The following UST variants were observed in gnomAD, a reference collection of about 807,000 sequenced individuals.
UST encodes the protein chondroitin sulfate 2-O-sulfotransferase.
A neutral mutation model predicts 45.6 loss-of-function variants in UST; 21 were observed. That is an observed-to-expected ratio of 0.46 (90% CI 0.33 to 0.66). UST has a LOEUF of 0.66. Among genes scored for constraint, UST ranks in the 30% least tolerant of loss-of-function variants. The pLI, the probability that UST is intolerant of heterozygous loss-of-function variation, is 0.02. For synonymous variants in UST, 215 were observed against 200.6 expected, an observed-to-expected ratio of 1.07 and a Z score of -0.61; for missense variants, 463 against 512.4, an observed-to-expected ratio of 0.90 and a Z score of 0.93.
At chr6:148,943,076 A>G (rs1780161064) in intron 3 of UST, among the ~76,000 whole-genome samples, 1 of 152,208 alleles carries the variant, frequency 6.6e-6, no homozygotes. Flanking sequence ...AGCTAATGTG[A>G]TTAGGCTGGT....
chr6:148,809,305 A>G (rs1777208517), intron 1 of UST, among the ~76,000 whole-genome samples: 1 of 150,800 alleles, frequency 6.6e-6, no homozygotes, highest in Admixed American at 6.6e-5. Context: ...GGAATTTCTT[A>G]AAACCTTAGT....
At chr6:149,071,568 AT>A (rs948119681) in intron 7 of UST, among the ~76,000 whole-genome samples, 1 of 152,018 alleles carries the variant, frequency 6.6e-6, no homozygotes, top group Non-Finnish European at 1.5e-5. Context: ...GGATTTGGCA[AT>A]TTTTTTTAAT....
At chr6:148,966,829 G>A (rs1288944158) in intron 5 of UST, among the ~76,000 whole-genome samples, 3 of 152,122 alleles carry the variant, frequency 2.0e-5, no homozygotes, top group Admixed American at 6.6e-5. Context: ...CTCCACCTCC[G>A]GGGTTCAAGC....
intron 1 of UST, among the ~76,000 whole-genome samples, chr6:148,871,145 TCC>T (rs1491452999): frequency 1.0e-4 from 14 of 135,198 alleles, no homozygotes; most frequent in African/African-American, 3.9e-4. Flanking sequence ...TCTCTCTCTC[TCC>T]CTCTCTCCCT....
At chr6:148,878,149 G>T (rs1317301200) in intron 1 of UST, among the ~76,000 whole-genome samples, 4 of 107,350 alleles carry the variant, frequency 3.7e-5, no homozygotes, top group Non-Finnish European at 7.5e-5. Flanking sequence ...GAGTGCGGGG[G>T]TCGTGTGTGA....
chr6:148,858,536 T>C (rs1445158610), intron 1 of UST, among the ~76,000 whole-genome samples: 2 of 151,772 alleles, frequency 1.3e-5, no homozygotes, highest in Admixed American at 6.6e-5. Context: ...CTAGGGTACA[T>C]GTGCACAATG....
chr6:148,792,288 T>G (rs1724141808), intron 1 of UST, among the ~76,000 whole-genome samples: 1 of 152,196 alleles, frequency 6.6e-6, no homozygotes, highest in African/African-American at 2.4e-5. Context: ...TCAAGTTATG[T>G]GAGTTTCATA....
At chr6:148,862,594 G>A (rs372312413) in intron 1 of UST, among the ~76,000 whole-genome samples, 28 of 152,276 alleles carry the variant, frequency 1.8e-4, no homozygotes, top group East Asian at 1.3e-3. Flanking sequence ...TTCTAGCATC[G>A]ATGGTCTTTA....
At chr6:149,055,850 G>T (rs1222002276) in intron 7 of UST, among the ~76,000 whole-genome samples, 1 of 152,156 alleles carries the variant, frequency 6.6e-6, no homozygotes, top group Non-Finnish European at 1.5e-5. Flanking sequence ...GACATCAGAA[G>T]CTTCTGCAGT....
intron 1 of UST, among the ~76,000 whole-genome samples, chr6:148,886,149 G>A (rs1778909007): frequency 6.6e-6 from 1 of 152,142 alleles, no homozygotes; most frequent in Non-Finnish European, 1.5e-5. Context: ...TTTTCAGATG[G>A]GTAGATGCCT....
At chr6:148,808,052 G>T (rs985592585) in intron 1 of UST, among the ~76,000 whole-genome samples, 3 of 152,088 alleles carry the variant, frequency 2.0e-5, no homozygotes, top group Non-Finnish European at 4.4e-5. Context: ...GCTGGGGCTG[G>T]TTGGGGTTAC....
chr6:148,748,133 C>T lies in UST; in HGVS notation c.247+456C>T, dbSNP rs185986604. Reference sequence around the variant, plus strand: ...CCCCGGGGAGTGTGGGTGGGTTTAGCCCTTTGCCACCGTCCGCTCTGAGAA... The same window carrying T: ...CCCCGGGGAGTGTGGGTGGGTTTAGTCCTTTGCCACCGTCCGCTCTGAGAA... On this transcript the variant is annotated intron_variant, in intron 1 of 7. Coordinates refer to ENST00000367463, the MANE Select transcript of UST (RefSeq NM_005715.3). This position sits in a 1 kb window ranked among gnomAD's most constrained non-coding sequence, Gnocchi z 5.3. Among the ~76,000 whole-genome samples, 216 of 152,276 alleles carry T rather than the reference C, an allele frequency of 1.4e-3. 1 individual carries two copies. Among genetic ancestry groups the T allele is most frequent in the African/African-American group, 5.0e-3 (207 of 41,552 alleles).
chr6:148,959,231 C>G (rs7741642), intron 4 of UST, among the ~76,000 whole-genome samples: 2,587 of 152,308 alleles, frequency 0.017, 81 homozygotes, highest in African/African-American at 0.06. Context: ...CATTATTTAA[C>G]AAAACAAATC....
chr6:148,984,506 G>T (rs1781201785), intron 5 of UST, among the ~76,000 whole-genome samples: 2 of 152,228 alleles, frequency 1.3e-5, no homozygotes. Context: ...ATCATGACAT[G>T]ATAGGATTTG....
intron 7 of UST, among the ~76,000 whole-genome samples, chr6:149,060,334 C>T (rs1382977694): frequency 6.6e-6 from 1 of 152,178 alleles, no homozygotes; most frequent in East Asian, 1.9e-4. Context: ...GCCATACCAC[C>T]AGGAAGGTGG....
chr6:149,026,120 C>T (rs895713385), intron 7 of UST, among the ~76,000 whole-genome samples: 14 of 150,854 alleles, frequency 9.3e-5, no homozygotes, highest in African/African-American at 3.4e-4. Context: ...TGCACTCCAG[C>T]CTAGGTGACA....
At chr6:148,858,492 C>G (rs1041968447) in intron 1 of UST, among the ~76,000 whole-genome samples, 1 of 114,266 alleles carries the variant, frequency 8.8e-6, no homozygotes, top group Non-Finnish European at 1.8e-5. Context: ...ACATTTGCAT[C>G]TTTCTTTTTT....
At chr6:148,769,750 TTG>T (rs57316536) in intron 1 of UST, among the ~76,000 whole-genome samples, 8,330 of 147,808 alleles carry the variant, frequency 0.056, 565 homozygotes, top group African/African-American at 0.16. Context: ...GAGCCTGTGT[TTG>T]TGTGTGTGTG....
At chr6:149,025,552 A>G (rs929719599) in intron 7 of UST, among the ~76,000 whole-genome samples, 1 of 152,194 alleles carries the variant, frequency 6.6e-6, no homozygotes, top group Non-Finnish European at 1.5e-5. Flanking sequence ...CATGAGTTTG[A>G]ATTAGGGAGC....
Sources: gnomAD v4.1 joint callset for allele counts (sites outside exome capture counted in the v4.1 genomes callset) on GRCh38, gnomAD v4.1.1 for gene constraint, Gnocchi (gnomAD v3.1) non-coding constraint, MANE v1.5 for transcripts, NCBI Gene and HGNC (gene_info 2026-07-23, HGNC 2026-07-21) for gene names.